The following TSPAN15 variants were observed in gnomAD, a reference collection of about 807,000 sequenced individuals.
TSPAN15 encodes the protein tetraspanin-15.
TSPAN15 carries 20 observed loss-of-function variants against 34.5 expected under a neutral mutation model. The ratio of observed to expected loss-of-function variants is 0.58; its 90% confidence interval spans 0.41 to 0.84. The LOEUF (loss-of-function observed/expected upper bound fraction) is 0.84, where lower values mean the gene tolerates loss of function less well. Among genes scored for constraint, TSPAN15 ranks in the 40% least tolerant of loss-of-function variants. The pLI is 0.00. For missense variants in TSPAN15, 313 were observed against 386.1 expected (o/e 0.81, Z 1.59); for synonymous variants, 155 against 153.9 (o/e 1.01, Z -0.05).
At chr10:69,517,875 C>T in the TSPAN15 span, among the ~76,000 whole-genome samples, 3 of 152,186 alleles carry the variant, frequency 2.0e-5, no homozygotes, top group Non-Finnish European at 2.9e-5. Context: ...AGGAGGAAAA[C>T]TGGGCCCATG....
At chr10:69,539,535 GAAGGA>G in the TSPAN15 span, among the ~76,000 whole-genome samples, 13 of 64,786 alleles carry the variant, frequency 2.0e-4, no homozygotes, top group African/African-American at 6.6e-5. Flanking sequence ...AGAAGAAGAA[GAAGGA>G]GAAGGAGAAG....
chr10:69,464,138 T>C (rs1841330805), intron 1 of TSPAN15, among the ~76,000 whole-genome samples: 1 of 152,242 alleles, frequency 6.6e-6, no homozygotes, highest in South Asian at 2.1e-4. Context: ...GCTTCTCCCC[T>C]AGAGCCTCCG....
At chr10:69,531,933 A>G in the TSPAN15 span, among the ~76,000 whole-genome samples, 1 of 129,198 alleles carries the variant, frequency 7.7e-6, no homozygotes, top group African/African-American at 2.9e-5. Flanking sequence ...AAACAAACAA[A>G]ACAAAACAAA....
chr10:69,530,820 C>CA, the TSPAN15 span, among the ~76,000 whole-genome samples: 8 of 30,776 alleles, frequency 2.6e-4, 1 homozygote, highest in Admixed American at 1.0e-3. Context: ...CTCTCTCTCT[C>CA]TATATATATA....
chr10:69,456,753 A>G (rs763118017), intron 1 of TSPAN15, among the ~76,000 whole-genome samples: 3 of 152,184 alleles, frequency 2.0e-5, no homozygotes, highest in Non-Finnish European at 4.4e-5. Context: ...CCGCTCCTTG[A>G]TGCAATCGGA....
At chr10:69,500,300 G>A (rs1293208435) in intron 5 of TSPAN15, among the ~76,000 whole-genome samples, 1 of 152,164 alleles carries the variant, frequency 6.6e-6, no homozygotes, top group Non-Finnish European at 1.5e-5. Context: ...ACTGGGGTGA[G>A]GGGGCCAGGC....
the TSPAN15 span, among the ~76,000 whole-genome samples, chr10:69,547,193 CTCCA>C: frequency 2.6e-5 from 4 of 151,710 alleles, no homozygotes; most frequent in Non-Finnish European, 1.5e-5. Flanking sequence ...CAGAGTGAGA[CTCCA>C]TCTCAAAAAA....
chr10:69,455,625 T>TCAC (rs1554830569), intron 1 of TSPAN15, among the ~76,000 whole-genome samples: 1 of 82,834 alleles, frequency 1.2e-5, no homozygotes, highest in Non-Finnish European at 2.5e-5. Context: ...TCTCTCTCTC[T>TCAC]CCCCCCCCCG....
intron 1 of TSPAN15, among the ~76,000 whole-genome samples, chr10:69,471,668 C>T (rs1564603207): frequency 2.7e-5 from 4 of 148,240 alleles, no homozygotes; most frequent in Admixed American, 1.4e-4. Context: ...AATCTCGGCT[C>T]ACTGCAGTCT....
chr10:69,531,790 T>G, the TSPAN15 span, among the ~76,000 whole-genome samples: 1 of 151,736 alleles, frequency 6.6e-6, no homozygotes, highest in Non-Finnish European at 1.5e-5. Context: ...AGAAAAAACA[T>G]TCAACAAAAT....
downstream of TSPAN15, among the ~76,000 whole-genome samples, chr10:69,511,751 C>G (rs907789294): frequency 2.6e-5 from 4 of 152,012 alleles, no homozygotes; most frequent in African/African-American, 9.7e-5. Context: ...TTGCTGTGTC[C>G]CAGAGACCCT....
chr10:69,538,243 A>G, the TSPAN15 span, among the ~76,000 whole-genome samples: 1 of 152,176 alleles, frequency 6.6e-6, no homozygotes, highest in Non-Finnish European at 1.5e-5. Context: ...AGTTACTGAT[A>G]TGGGGGTTTG....
chr10:69,531,651 G>C, the TSPAN15 span, among the ~76,000 whole-genome samples: 1 of 151,860 alleles, frequency 6.6e-6, no homozygotes, highest in Non-Finnish European at 1.5e-5. Context: ...GAGAATAAGG[G>C]GGAGAATAAT....
intron 1 of TSPAN15, among the ~76,000 whole-genome samples, chr10:69,478,597 C>G (rs998955648): frequency 6.6e-6 from 1 of 152,062 alleles, no homozygotes; most frequent in Non-Finnish European, 1.5e-5. Flanking sequence ...TCCTGTAGAC[C>G]AGGGGTTCTT....
chr10:69,485,066 C>G lies in TSPAN15; in HGVS notation c.283-75C>G, dbSNP rs951824612. On this transcript the variant is annotated intron_variant, in intron 2 of 7. Transcript: ENST00000373290. ...CTTCTCTTTGTGCTTGCTCTTGGAGCAGATGGTGCCTCCCCTGTACCCCAC... is the reference window on the plus strand; with the variant it reads ...CTTCTCTTTGTGCTTGCTCTTGGAGGAGATGGTGCCTCCCCTGTACCCCAC... 14 of 1,376,528 alleles carry G rather than the reference C, an allele frequency of 1.0e-5. No individual in the cohort carries two copies. The Admixed American group carries it at 1.5e-4, about 15-fold the overall frequency. The allele number at this position is 1,376,528 out of a possible 1,614,324, so 85.3% of individuals were successfully genotyped here.
At chr10:69,483,899 C>T in intron 2 of TSPAN15, 23 bp downstream of exon 2, 2 of 1,606,086 alleles carry the variant, frequency 1.2e-6, no homozygotes, top group East Asian at 2.2e-5. Context: ...CACCACCCCT[C>T]AGCCGGGACT....
intron 1 of TSPAN15, among the ~76,000 whole-genome samples, chr10:69,469,480 AC>A (rs1564602266): frequency 1.3e-5 from 2 of 151,792 alleles, no homozygotes; most frequent in Non-Finnish European, 2.9e-5. Context: ...ACAGAGTCTT[AC>A]TCTGTCACCC....
chr10:69,503,585 G>A (rs1243025023), intron 5 of TSPAN15, among the ~76,000 whole-genome samples: 1 of 152,154 alleles, frequency 6.6e-6, no homozygotes, highest in Non-Finnish European at 1.5e-5. Context: ...CTGGACCCAG[G>A]AAATGTGACA....
At chr10:69,468,680 A>G (rs1338950505) in intron 1 of TSPAN15, among the ~76,000 whole-genome samples, 1 of 151,972 alleles carries the variant, frequency 6.6e-6, no homozygotes, top group Non-Finnish European at 1.5e-5. Flanking sequence ...AGGAGGCTGC[A>G]GTCGTTGTGA....
Sources: allele counts gnomAD v4.1 joint callset (sites outside exome capture counted in the v4.1 genomes callset), GRCh38; gene constraint gnomAD v4.1.1; transcripts MANE v1.5; gene names NCBI Gene and HGNC (gene_info 2026-07-23, HGNC 2026-07-21).